FMO2: variants seen among roughly 807,000 people sequenced by gnomAD.
FMO2 encodes the protein flavin-containing monooxygenase 2.
Under a neutral mutation model 41.6 loss-of-function variants are expected in FMO2, and 33 were observed. The observed-to-expected ratio is 0.79, with a 90% confidence interval of 0.60 to 1.06. The LOEUF (loss-of-function observed/expected upper bound fraction) is 1.06, where lower values mean the gene tolerates loss of function less well. FMO2 is among the 50% of genes least tolerant of loss of function. The pLI, the probability that FMO2 is intolerant of heterozygous loss-of-function variation, is 0.00. For missense variants in FMO2, 619 were observed against 632.9 expected (o/e 0.98, Z 0.23); for synonymous variants, 214 against 219.6 (o/e 0.97, Z 0.23).
intron 4 of FMO2, among the ~76,000 whole-genome samples, chr1:171,198,638 T>TGAGGTCAGGA (rs1658396012): frequency 6.6e-6 from 1 of 152,130 alleles, no homozygotes; most frequent in Non-Finnish European, 1.5e-5. Context: ...TTCAAATTCC[T>TGAGGTCAGGA]GACCTCAGTT....
chr1:171,190,250 G>A (rs1364250374), intron 2 of FMO2, among the ~76,000 whole-genome samples: 4 of 152,116 alleles, frequency 2.6e-5, no homozygotes, highest in African/African-American at 7.2e-5. Flanking sequence ...AATTCAGCTC[G>A]TGATCAAAAG....
chr1:171,189,388 C>T (rs1339871749), intron 2 of FMO2, among the ~76,000 whole-genome samples: 1 of 152,106 alleles, frequency 6.6e-6, no homozygotes, highest in Non-Finnish European at 1.5e-5. Context: ...TTGGCTCCCC[C>T]AAGATCCAAC....
chr1:171,193,373 T>G lies in FMO2; in HGVS notation c.171T>G (p.Ser57=). 3 of 1,612,248 alleles carry G rather than the reference T, an allele frequency of 1.9e-6. No homozygotes were observed. Among genetic ancestry groups the G allele is most frequent in the Non-Finnish European group, 2.5e-6 (3 of 1,179,082 alleles). ...VEDGRASIYQ[S]VVTNTSKEMS... ...ATGGCCGAGCAAGTATCTATCAATC[T>G]GTCGTTACCAACACCAGCAAAGAAA... The change falls in exon 3 of 9, where the codon TCT becomes TCG. Residue 57 remains serine (S), a synonymous_variant. Coordinates refer to ENST00000209929, the MANE Select transcript of FMO2 (RefSeq NM_001460.5).
At chr1:171,189,050 G>A (rs550836986) in intron 2 of FMO2, 68 of 152,142 alleles carry the variant, frequency 4.5e-4, no homozygotes, top group African/African-American at 1.5e-3. Context: ...AACATAGGTG[G>A]CGGGAGAAAA....
rs1658882642 is a variant in FMO2, at chr1:171,209,201, A to G, written c.*56A>G. 1 of 420,902 alleles carries G rather than the reference A, an allele frequency of 2.4e-6. No individual in the cohort carries two copies. Among genetic ancestry groups the G allele is most frequent in the Non-Finnish European group, 4.2e-6 (1 of 239,380 alleles). The allele number at this position is 420,902 out of a possible 1,614,324, so 26.1% of individuals were successfully genotyped here. On this transcript the variant is annotated 3_prime_UTR_variant, in exon 9 of 9. Coordinates refer to ENST00000209929, the MANE Select transcript of FMO2 (RefSeq NM_001460.5). ...GTCAGTCACTACCTCCTAAAGAAAA[A>G]AAAAAAGGCTAGAAGAAAAAACATT...
intron 3 of FMO2, among the ~76,000 whole-genome samples, chr1:171,195,288 C>A (rs944440500): frequency 1.3e-5 from 2 of 152,188 alleles, no homozygotes; most frequent in Non-Finnish European, 2.9e-5. Flanking sequence ...ATGTAATCTA[C>A]ATCAGTGCTT....
At chr1:171,197,752 G>A (rs1658362316) in intron 4 of FMO2, among the ~76,000 whole-genome samples, 1 of 152,172 alleles carries the variant, frequency 6.6e-6, no homozygotes, top group African/African-American at 2.4e-5. Flanking sequence ...GGGTTACACA[G>A]GAGTGGAACT....
At position 171,210,618 on chromosome 1, in the gene FMO2, C is replaced by T. The variant is rs1658939967; in HGVS notation, c.*1473C>T. On this transcript the variant is annotated 3_prime_UTR_variant, in exon 9 of 9. Coordinates refer to ENST00000209929, the MANE Select transcript of FMO2 (RefSeq NM_001460.5). The stretch of plus-strand genomic sequence containing the variant: ...CTCTGTCCTGAGTCCAAACCAAGCC[C>T]TTCCAAGAGAGAACAAAGGTCAGAG... 1 of 152,236 alleles carries T rather than the reference C, an allele frequency of 6.6e-6. No individual in the cohort carries two copies. Among genetic ancestry groups the T allele is most frequent in the Admixed American group, 6.5e-5 (1 of 15,276 alleles). 9.4% of individuals were successfully genotyped at this position (152,236 alleles called of 1,614,324 possible). A position where few individuals can be genotyped will look rare whatever the true frequency, so the allele number is the denominator to read the frequency against.
At position 171,193,398 on chromosome 1, in the gene FMO2, ATGT is replaced by A. The variant is rs1424217829; in HGVS notation, c.197_199del (p.Met66_Ser67delinsThr). On this transcript the variant is annotated inframe_deletion, in exon 3 of 9. Transcript: ENST00000209929. ...TGTCGTTACCAACACCAGCAAAGAA[ATGT>A]CCTGTTTCAGTGACTTTCCAATGCC... The A allele has an allele frequency of 3.0e-5, 48 of 1,610,666 alleles. No homozygotes were observed. Among genetic ancestry groups the A allele is most frequent in the Non-Finnish European group, 3.8e-5 (45 of 1,178,976 alleles).
rs1658997050 is a variant in FMO2, at chr1:171,211,865, ATC to A, written c.*2724_*2725del. 6.6e-6 allele frequency among the ~76,000 whole-genome samples: 1 copy of A among 151,438 alleles called. No individual in the cohort carries two copies. Among genetic ancestry groups the A allele is most frequent in the African/African-American group, 2.5e-5 (1 of 40,706 alleles). On this transcript the variant is annotated 3_prime_UTR_variant, in exon 9 of 9. Transcript: ENST00000209929. ...TAATAATTCAACCTACTGAATGGAAATCTCTGCTGAAATCCACAGTTTTCATA... is the reference window on the plus strand; with the variant it reads ...TAATAATTCAACCTACTGAATGGAAATCTGCTGAAATCCACAGTTTTCATA...
Position 171,205,558 on chromosome 1 carries a change from T to C in FMO2, c.1107T>C (p.Ile369=), listed in dbSNP as rs140720329. The C allele has an allele frequency of 8.7e-6, 14 of 1,613,742 alleles. No homozygotes were observed. Among genetic ancestry groups the C allele is most frequent in the African/African-American group, 6.7e-5 (5 of 74,906 alleles). The part of the protein sequence containing the change: ...AHLDKSTLAC[I]GLIQPLGSIF... ...TGGACAAGTCAACCCTCGCGTGCATTGGTCTCATCCAGCCCCTAGGTTCCA... is the reference window on the plus strand; with the variant it reads ...TGGACAAGTCAACCCTCGCGTGCATCGGTCTCATCCAGCCCCTAGGTTCCA... Residue 369 remains isoleucine, a synonymous_variant, in exon 7 of 9, where the codon ATT becomes ATC. Transcript: ENST00000209929.
In FMO2 at chr1:171,208,957, C is replaced by T. The variant is rs372325848; in HGVS notation, c.1420C>T (p.Arg474Cys). Reference protein sequence around the residue: ...YFGPCNSYQYRLVGPGQWEGA... With the variant: ...YFGPCNSYQYCLVGPGQWEGA... Reference sequence around the variant, plus strand: ...CGGACCCTGCAACTCCTATCAGTATCGCCTGGTTGGGCCTGGGCAATGGGA... The same window carrying T: ...CGGACCCTGCAACTCCTATCAGTATTGCCTGGTTGGGCCTGGGCAATGGGA... Residue 474 changes from arginine (R) to cysteine (C), a missense_variant, in exon 9 of 9, where the codon CGC becomes TGC. Transcript: ENST00000209929. 2.9e-5 allele frequency: 47 copies of T among 1,612,772 alleles called. No individual in the cohort carries two copies. Among genetic ancestry groups the T allele is most frequent in the African/African-American group, 1.2e-4 (9 of 74,836 alleles).
At chr1:171,185,686 T>A in intron 1 of FMO2, 22 bp from the exon 2 acceptor site, 1 of 1,613,044 alleles carries the variant, frequency 6.2e-7, no homozygotes, top group South Asian at 1.1e-5. Flanking sequence ...TAAGTAATGT[T>A]GATTGATCAA....
rs756805991 is a variant in FMO2 at position 171,199,478 on chromosome 1, A to G, written c.617A>G (p.Asn206Ser). 1.2e-6 allele frequency: 2 copies of G among 1,610,862 alleles called. No individual in the cohort carries two copies. The highest frequency in any genetic ancestry group is 3.4e-5 in the Admixed American group (2 of 59,610). ...GATATTGCTGTTGAGCTGAGTAAGAATGCTGCTCAGGTGTGATGCTCTCTG... is the reference window on the plus strand; with the variant it reads ...GATATTGCTGTTGAGCTGAGTAAGAGTGCTGCTCAGGTGTGATGCTCTCTG... ...GSDIAVELSK[N>S]AAQVFISTRH... is the part of the protein sequence containing the mutation. The change falls in exon 5 of 9, where the codon AAT becomes AGT. Residue 206 changes from asparagine (N) to serine (S), a missense_variant. By Grantham distance (46) the Asn-to-Ser change is conservative (BLOSUM62 1). Transcript: ENST00000209929.
intron 7 of FMO2, 79 bp downstream of exon 7, chr1:171,205,713 G>T: frequency 1.0e-6 from 1 of 998,248 alleles, no homozygotes; most frequent in Non-Finnish European, 1.4e-6. Context: ...GGTTGCCTGA[G>T]ATAAAAAGGT....
intron 2 of FMO2, among the ~76,000 whole-genome samples, chr1:171,193,094 A>G (rs1384489298): frequency 3.9e-5 from 6 of 152,108 alleles, no homozygotes; most frequent in Non-Finnish European, 2.9e-5. Flanking sequence ...CCCTGTCCCC[A>G]ACCTCACCAT....
intron 3 of FMO2, 98 bp from the exon 4 acceptor site, chr1:171,196,551 A>G (rs1450123234): frequency 3.8e-5 from 40 of 1,058,826 alleles, no homozygotes; most frequent in Non-Finnish European, 5.4e-5. Flanking sequence ...CCCACTGCTG[A>G]GTCAGGCCTC....
At position 171,196,713 on chromosome 1, in the gene FMO2, C is replaced by T; in HGVS notation, c.386C>T (p.Thr129Ile). 5 of 1,613,634 alleles carry T rather than the reference C, an allele frequency of 3.1e-6. No individual in the cohort carries two copies. The highest frequency in any genetic ancestry group is 4.2e-6 in the Non-Finnish European group (5 of 1,179,872). Residue 129 changes from threonine to isoleucine, a missense_variant, in exon 4 of 9, where the codon ACT becomes ATT. By Grantham distance (89) the Thr-to-Ile change is moderately conservative (BLOSUM62 -1). Transcript: ENST00000209929. ...TCCTCTGGCCAATGGAAGGTTGTCA[C>T]TCAGAGCAACGGCAAGGAGCAGAGT... ...FSSSGQWKVV[T>I]QSNGKEQSAV...
chr1:171,201,534 T>A (rs1198544350), intron 5 of FMO2, among the ~76,000 whole-genome samples: 1 of 152,098 alleles, frequency 6.6e-6, no homozygotes, highest in African/African-American at 2.4e-5. Flanking sequence ...AATTACAACC[T>A]GAACTCACCA....
Sources: gnomAD v4.1 joint callset for allele counts (sites outside exome capture counted in the v4.1 genomes callset) on GRCh38, gnomAD v4.1.1 for gene constraint, MANE v1.5 for transcripts, NCBI Gene and HGNC (gene_info 2026-07-23, HGNC 2026-07-21) for gene names.